POLN: variants seen among roughly 807,000 people sequenced by gnomAD.
POLN encodes the protein DNA polymerase nu, also known as DNA polymerase N.
POLN carries 108 observed loss-of-function variants against 113.5 expected under a neutral mutation model. The ratio of observed to expected loss-of-function variants is 0.95; its 90% CI spans 0.81 to 1.12. The LOEUF is 1.12. POLN is among the 50% of genes most tolerant of loss of function. The pLI, the probability that POLN is intolerant of heterozygous loss-of-function variation, is 0.00. For missense variants in POLN, 1,097 were observed against 1,077.1 expected (o/e 1.02, Z -0.26); for synonymous variants, 386 against 391.5 (o/e 0.99, Z 0.17).
intron 14 of POLN, among the ~76,000 whole-genome samples, chr4:2,158,720 C>T (rs901076087): frequency 1.3e-5 from 2 of 152,144 alleles, no homozygotes; most frequent in Admixed American, 1.3e-4. Flanking sequence ...AAGGGAATCA[C>T]CAGGGGAGGG....
intron 21 of POLN, among the ~76,000 whole-genome samples, chr4:2,085,008 TC>T (rs1730515197): frequency 6.6e-6 from 1 of 152,266 alleles, no homozygotes; most frequent in South Asian, 2.1e-4. Flanking sequence ...TTCCTTTACT[TC>T]TAAGTGAGGC....
intron 20 of POLN, chr4:2,090,752 C>T (rs1481810832): frequency 5.5e-6 from 1 of 182,446 alleles, no homozygotes; most frequent in African/African-American, 2.4e-5. Context: ...CTCTGTCTCC[C>T]TGTAGTGGGA....
At chr4:2,187,737 A>T (rs79995712) in intron 7 of POLN, among the ~76,000 whole-genome samples, 16 of 152,064 alleles carry the variant, frequency 1.1e-4, no homozygotes, top group Admixed American at 7.2e-4. Context: ...AACAAATAAC[A>T]TATAAAGGAG....
chr4:2,129,949 T>C (rs1048107917), intron 17 of POLN, among the ~76,000 whole-genome samples: 1 of 151,930 alleles, frequency 6.6e-6, no homozygotes, highest in Non-Finnish European at 1.5e-5. Flanking sequence ...GTCACATGTA[T>C]TTTAGAAAGG....
intron 2 of POLN, among the ~76,000 whole-genome samples, chr4:2,237,064 C>G (rs2108778811): frequency 6.6e-6 from 1 of 152,100 alleles, no homozygotes; most frequent in Admixed American, 6.5e-5. Context: ...TAAAACTCTT[C>G]TTAACTTTAA....
chr4:2,102,576 G>A (rs1279104928), intron 19 of POLN, among the ~76,000 whole-genome samples: 3 of 152,164 alleles, frequency 2.0e-5, no homozygotes, highest in Non-Finnish European at 4.4e-5. Context: ...TAGTACAAAT[G>A]GCATCTGAGA....
At chr4:2,086,249 C>T (rs1017636315) in intron 20 of POLN, among the ~76,000 whole-genome samples, 19 of 152,096 alleles carry the variant, frequency 1.2e-4, no homozygotes, top group African/African-American at 2.2e-4. Flanking sequence ...CTGAGGCAGA[C>T]GGATCACTTG....
rs750844060 is a variant in POLN at position 2,096,686 on chromosome 4, AAGAGAGAGAGAGAG to A, written c.1983-767_1983-754del. ...CATCTCAGATTCAGAAGCCGAGAGA[AAGAGAGAGAGAGAG>A]AGAGAGAGAGAGAGAGAGAGAGAGA... On this transcript the variant is annotated intron_variant, in intron 19 of 25. Transcript: ENST00000511885. Among the ~76,000 whole-genome samples the A allele has an allele frequency of 4.6e-3, 604 of 130,002 alleles. 4 individuals are homozygous for A. Among genetic ancestry groups the A allele is most frequent in the African/African-American group, 0.015 (525 of 33,906 alleles). 85.3% of individuals were successfully genotyped at this position (130,002 alleles called of 152,430 possible).
At chr4:2,073,604 C>T (rs1011596784) in intron 24 of POLN, among the ~76,000 whole-genome samples, 4 of 152,228 alleles carry the variant, frequency 2.6e-5, no homozygotes, top group African/African-American at 7.2e-5. Flanking sequence ...CAGAGCCCTA[C>T]GAAAGGGAAG....
At chr4:2,220,019 C>T (rs990000059) in intron 3 of POLN, among the ~76,000 whole-genome samples, 10 of 152,112 alleles carry the variant, frequency 6.6e-5, no homozygotes, top group African/African-American at 1.9e-4. Flanking sequence ...TTGTATATGG[C>T]CAGTTAGGTC....
chr4:2,163,757 G>A (rs1309375096), intron 13 of POLN, among the ~76,000 whole-genome samples: 1 of 152,228 alleles, frequency 6.6e-6, no homozygotes, highest in African/African-American at 2.4e-5. Flanking sequence ...TCTCCGGGCA[G>A]GGCAGAGGAC....
intron 20 of POLN, chr4:2,089,651 C>G (rs1730621823): frequency 1.3e-6 from 1 of 773,294 alleles, no homozygotes; most frequent in Non-Finnish European, 2.1e-6. Flanking sequence ...AAAGGATTAT[C>G]TGAACTTCCT....
chr4:2,072,398 T>A, intron 25 of POLN, 99 bp from the exon 26 acceptor site: 1 of 1,013,788 alleles, frequency 9.9e-7, no homozygotes, highest in Non-Finnish European at 1.4e-6. Context: ...AGCACACAGG[T>A]GCACACATCC....
chr4:2,173,584 A>G (rs1732919364), intron 11 of POLN, among the ~76,000 whole-genome samples: 1 of 152,172 alleles, frequency 6.6e-6, no homozygotes, highest in Non-Finnish European at 1.5e-5. Context: ...TTTTCTTAAG[A>G]AAACTGAAGT....
chr4:2,079,071 A>T (rs959975065), intron 23 of POLN: 2 of 277,220 alleles, frequency 7.2e-6, no homozygotes, highest in Non-Finnish European at 5.5e-6. Context: ...CTGGGACTAC[A>T]GGTGTGCACC....
chr4:2,234,860 A>G (rs1373254758), intron 2 of POLN, among the ~76,000 whole-genome samples: 2 of 152,104 alleles, frequency 1.3e-5, no homozygotes, highest in African/African-American at 4.8e-5. Flanking sequence ...ATACATAGAG[A>G]AAAAAATGAT....
chr4:2,223,408 T>C (rs529195733), intron 3 of POLN, among the ~76,000 whole-genome samples: 8 of 152,310 alleles, frequency 5.3e-5, no homozygotes, highest in Admixed American at 3.9e-4. Flanking sequence ...AGAACTGTAC[T>C]GTGAACTGCA....
intron 4 of POLN, among the ~76,000 whole-genome samples, chr4:2,211,250 AAATAATAATAATAAT>A (rs71167780): frequency 0.011 from 1,492 of 139,804 alleles, 28 homozygotes; most frequent in African/African-American, 0.036. Flanking sequence ...CTCCGTCTCC[AAATAATAATAATAAT>A]AATAATAATA....
chr4:2,226,671 A>G (rs565608306), intron 3 of POLN, among the ~76,000 whole-genome samples: 16 of 152,274 alleles, frequency 1.1e-4, no homozygotes, highest in Admixed American at 2.6e-4. Flanking sequence ...AGTCTAGCAG[A>G]TAAGAAAATT....
Sources: allele counts gnomAD v4.1 joint callset (sites outside exome capture counted in the v4.1 genomes callset), GRCh38; gene constraint gnomAD v4.1.1; transcripts MANE v1.5; gene names NCBI Gene and HGNC (gene_info 2026-07-23, HGNC 2026-07-21).